The following PELP1 variants were observed in gnomAD, a reference collection of about 807,000 sequenced individuals.
PELP1 encodes proline, glutamate and leucine rich protein 1, also known as proline-, glutamic acid- and leucine-rich protein 1.
In PELP1, 32 loss-of-function variants were observed where a neutral mutation model predicts 95.5. That is an observed-to-expected ratio of 0.34 (90% CI 0.25 to 0.45). The LOEUF (loss-of-function observed/expected upper bound fraction) is 0.45. Ranked by LOEUF, PELP1 falls within the 20% of genes least tolerant of loss-of-function variation. PELP1 has a pLI of 1.00. For missense variants in PELP1, 1,358 were observed against 1,444.8 expected (o/e 0.94, Z 0.97); for synonymous variants, 668 against 600.1 (o/e 1.11, Z -1.65).
chr17:4,691,006 AAG>A lies in PELP1; in HGVS notation c.315-15_315-14del, dbSNP rs1443357008. The A allele has an allele frequency of 1.3e-6, 2 of 1,591,652 alleles. No individual in the cohort carries two copies. The highest frequency in any genetic ancestry group is 8.6e-7 in the Non-Finnish European group (1 of 1,159,582). The stretch of plus-strand genomic sequence containing the variant: ...CAGGCCCTCAAACCTTCAAAGAAAG[AAG>A]AGAGTCATGTTAAGTGGGCGGAGGC... On this transcript the variant is annotated splice_polypyrimidine_tract_variant and intron_variant, in intron 2 of 16. Transcript: ENST00000572293.
intron 6 of PELP1, 45 bp downstream of exon 6, chr17:4,676,708 C>A (rs1210219456): frequency 6.6e-7 from 1 of 1,509,876 alleles, no homozygotes; most frequent in Non-Finnish European, 9.0e-7. Flanking sequence ...AGAGACAATC[C>A]AGGCTCAGAT....
At chr17:4,682,180 G>T (rs764425315) in intron 5 of PELP1, among the ~76,000 whole-genome samples, 31 of 152,280 alleles carry the variant, frequency 2.0e-4, no homozygotes, top group Middle Eastern at 3.4e-3. Context: ...CAAGGTGGTA[G>T]AAAAGTGGGT....
chr17:4,681,760 A>G lies in PELP1; in HGVS notation c.642+742T>C, dbSNP rs368553977. Among the ~76,000 whole-genome samples the G allele has an allele frequency of 5.9e-5, 9 of 152,242 alleles. No homozygotes were observed. The East Asian group carries it at 1.5e-3, about 26-fold the overall frequency. The stretch of plus-strand genomic sequence containing the variant: ...GGTTGCAGTGAGCCAAGATCACGCC[A>G]CTGCACTCCAGCCTGGCAACAGAGT... On this transcript the variant is annotated intron_variant, in intron 5 of 16. Transcript: ENST00000572293.
At position 4,682,505 on chromosome 17, in the gene PELP1, G is replaced by T; in HGVS notation, c.639C>A (p.Leu213=). 1 of 1,604,256 alleles carries T rather than the reference G, an allele frequency of 6.2e-7. No homozygotes were observed. Among genetic ancestry groups the T allele is most frequent in the Non-Finnish European group, 8.5e-7 (1 of 1,170,984 alleles). The change falls in exon 5 of 17, where the codon CTC becomes CTA. Residue 213 remains leucine (L), a synonymous_variant. Transcript: ENST00000572293. ...AGAAGAGTGCATAAATACTTACTTT[G>T]AGAGAACCACAAGCCCGAGGGAAAT... ...MTYFPRACGS[L]KGKLASFFLS...
In PELP1 at chr17:4,697,349, C is replaced by T. The variant is rs539326332; in HGVS notation, c.250-5907G>A. ...GCAACATAGCGAGACCTTGTTTCTA[C>T]TAAAAATCAAACAGATTAGCTGGGT... On this transcript the variant is annotated intron_variant, in intron 1 of 16. Coordinates refer to ENST00000572293, the MANE Select transcript of PELP1 (RefSeq NM_014389.3). Among the ~76,000 whole-genome samples, 6 of 152,136 alleles carry T rather than the reference C, an allele frequency of 3.9e-5. No individual in the cohort carries two copies. In the South Asian group the frequency reaches 1.2e-3, roughly 32 times the overall value.
Position 4,673,031 on chromosome 17 carries a change from G to T in PELP1, c.1960C>A (p.Pro654Thr). The change falls in exon 16 of 17, where the codon CCT becomes ACT. Residue 654 changes from proline to threonine, a missense_variant. By Grantham distance (38) the Pro-to-Thr change is conservative. Transcript: ENST00000572293. This position sits in a 1 kb window ranked among gnomAD's most constrained non-coding sequence, Gnocchi z 5.7. Reference sequence around the variant, plus strand: ...GCCCTGAAGGGCGATGGGGCCTCAGGAGGGGGAACTGGAGCAGGTGTGGGG... The same window carrying T: ...GCCCTGAAGGGCGATGGGGCCTCAGTAGGGGGAACTGGAGCAGGTGTGGGG... ...TCPTPAPVPP[P>T]EAPSPFRAPP... The T allele has an allele frequency of 1.3e-6, 2 of 1,533,920 alleles. No individual in the cohort carries two copies. Among genetic ancestry groups the T allele is most frequent in the South Asian group, 2.6e-5 (2 of 76,662 alleles).
intron 5 of PELP1, among the ~76,000 whole-genome samples, chr17:4,677,836 G>A (rs28459096): frequency 0.046 from 6,964 of 151,712 alleles, 492 homozygotes; most frequent in African/African-American, 0.16. Context: ...AGGCTGAGGT[G>A]GGAGGACCAC....
intron 3 of PELP1, among the ~76,000 whole-genome samples, chr17:4,686,679 G>A (rs1912920000): frequency 6.6e-6 from 1 of 152,020 alleles, no homozygotes; most frequent in Non-Finnish European, 1.5e-5. Context: ...CACCATGCCT[G>A]GCTAATTTTT....
At chr17:4,703,469 T>C (rs1398009392) in intron 1 of PELP1, among the ~76,000 whole-genome samples, 1 of 152,182 alleles carries the variant, frequency 6.6e-6, no homozygotes, top group East Asian at 1.9e-4. Context: ...CCTAGTACAG[T>C]ATCTGACCCT....
intron 5 of PELP1, among the ~76,000 whole-genome samples, chr17:4,678,606 G>C (rs1050221504): frequency 6.6e-6 from 1 of 152,188 alleles, no homozygotes; most frequent in African/African-American, 2.4e-5. Flanking sequence ...CCAAAGCAAT[G>C]ACTCGCTTGG....
Position 4,704,090 on chromosome 17 carries a change from C to CACTCAG in PELP1, c.16_21dup (p.Leu6_Ser7dup). On this transcript the variant is annotated inframe_insertion, in exon 1 of 17. Coordinates refer to ENST00000572293, the MANE Select transcript of PELP1 (RefSeq NM_014389.3). ...CCAGCCGCGGAGCCCGCAGAGGGCC[C>CACTCAG]ACTCAGAACGGCTGCCGCCATCTTC... The CACTCAG allele has an allele frequency of 6.2e-7, 1 of 1,609,510 alleles. No homozygotes were observed. The highest frequency in any genetic ancestry group is 8.5e-7 in the Non-Finnish European group (1 of 1,178,650).
At chr17:4,698,751 T>C (rs2150566776) in intron 1 of PELP1, among the ~76,000 whole-genome samples, 1 of 152,194 alleles carries the variant, frequency 6.6e-6, no homozygotes, top group Middle Eastern at 3.4e-3. Context: ...GTTGTTGTTA[T>C]AATGGATGCC....
intron 1 of PELP1, among the ~76,000 whole-genome samples, chr17:4,697,578 G>A (rs1282466980): frequency 6.6e-6 from 1 of 152,172 alleles, no homozygotes; most frequent in Non-Finnish European, 1.5e-5. Context: ...AGTGAAGACA[G>A]TTTTTTAAAT....
At chr17:4,674,293 G>A (rs1912358865) in intron 13 of PELP1, among the ~76,000 whole-genome samples, 1 of 152,244 alleles carries the variant, frequency 6.6e-6, no homozygotes, top group African/African-American at 2.4e-5. Flanking sequence ...GCCTCCTCCT[G>A]GCCTCTCTGC....
intron 1 of PELP1, among the ~76,000 whole-genome samples, chr17:4,699,049 T>A (rs920609062): frequency 4.6e-5 from 7 of 152,158 alleles, no homozygotes; most frequent in African/African-American, 1.7e-4. Context: ...GTTTAGGAGA[T>A]CTGTCATTAT....
chr17:4,685,205 G>C (rs72824951), intron 3 of PELP1, among the ~76,000 whole-genome samples: 24,727 of 152,026 alleles, frequency 0.16, 2,605 homozygotes, highest in Non-Finnish European at 0.25. Flanking sequence ...CACCCGTGCC[G>C]CTAATCTGAT....
chr17:4,701,663 C>T (rs1257358299), intron 1 of PELP1, among the ~76,000 whole-genome samples: 1 of 152,206 alleles, frequency 6.6e-6, no homozygotes, highest in Non-Finnish European at 1.5e-5. Context: ...CCCCCTTGCT[C>T]GCAAGCTCCA....
Position 4,672,250 on chromosome 17 carries a change from T to C in PELP1, c.2741A>G (p.Glu914Gly), listed in dbSNP as rs781078652. 1.7e-5 allele frequency: 26 copies of C among 1,552,676 alleles called. No homozygotes were observed. In the South Asian group the frequency reaches 3.0e-4, roughly 18 times the overall value. Residue 914 changes from glutamate to glycine, a missense_variant, in exon 16 of 17, where the codon GAA becomes GGA. By Grantham distance (98) the Glu-to-Gly change is moderately conservative. Transcript: ENST00000572293. ...EEEEEDFEEE[E>G]EDEEEYFEEE... is the part of the protein sequence containing the mutation. ...TTCAAAATATTCCTCTTCATCCTCT[T>C]CCTCTTCCTCAAAGTCTTCCTCCTC... is the stretch of plus-strand genomic sequence containing the variant.
intron 1 of PELP1, among the ~76,000 whole-genome samples, chr17:4,703,023 T>G (rs1381830099): frequency 6.6e-6 from 1 of 152,156 alleles, no homozygotes; most frequent in Non-Finnish European, 1.5e-5. Context: ...TGGAGGTGTA[T>G]GAAGAAGAGT....
Sources: allele counts gnomAD v4.1 joint callset (sites outside exome capture counted in the v4.1 genomes callset), GRCh38; gene constraint gnomAD v4.1.1; non-coding constraint Gnocchi (gnomAD v3.1); transcripts MANE v1.5; gene names NCBI Gene and HGNC (gene_info 2026-07-23, HGNC 2026-07-21).